TCP11L2: variants seen among roughly 807,000 people sequenced by gnomAD.
The protein encoded by TCP11L2 is T-complex protein 11-like protein 2.
In TCP11L2, 39 loss-of-function variants were observed where a neutral mutation model predicts 50.7. The ratio of observed to expected loss-of-function variants is 0.77; its 90% CI spans 0.60 to 1.01. TCP11L2 has a LOEUF of 1.01. Among genes scored for constraint, TCP11L2 ranks in the 50% least tolerant of loss-of-function variants. The pLI is 0.00. For synonymous variants in TCP11L2, 192 were observed against 219.3 expected (o/e 0.88, Z 1.10); for missense variants, 612 against 614.7 (o/e 1.00, Z 0.05).
chr12:106,333,361 T>A (rs1224543233), intron 6 of TCP11L2, among the ~76,000 whole-genome samples: 1 of 152,156 alleles, frequency 6.6e-6, no homozygotes, highest in Non-Finnish European at 1.5e-5. Flanking sequence ...GATACATAAG[T>A]CGGTGTGGAT....
At chr12:106,312,041 C>G (rs945029139) in intron 2 of TCP11L2, among the ~76,000 whole-genome samples, 2 of 152,128 alleles carry the variant, frequency 1.3e-5, no homozygotes, top group African/African-American at 4.8e-5. Context: ...TGATATCACT[C>G]AAAGACGACA....
intron 6 of TCP11L2, among the ~76,000 whole-genome samples, chr12:106,332,097 A>T (rs1207680239): frequency 6.6e-6 from 1 of 152,232 alleles, no homozygotes; most frequent in Non-Finnish European, 1.5e-5. Flanking sequence ...GTCAGTGGTA[A>T]GCTGGATGTG....
chr12:106,312,276 T>G, intron 2 of TCP11L2: 1 of 343,896 alleles, frequency 2.9e-6, no homozygotes, highest in Non-Finnish European at 5.3e-6. Context: ...TTTTTTTTTT[T>G]TTGCTGTTAT....
At chr12:106,338,408 A>G (rs964551417) in intron 8 of TCP11L2, among the ~76,000 whole-genome samples, 3 of 152,226 alleles carry the variant, frequency 2.0e-5, no homozygotes, top group African/African-American at 7.2e-5. Context: ...AAGCGAGAAC[A>G]TGTGGTATTT....
chr12:106,312,894 T>A (rs117222825), intron 2 of TCP11L2, among the ~76,000 whole-genome samples: 3,519 of 151,864 alleles, frequency 0.023, 58 homozygotes, highest in Middle Eastern at 0.062. Flanking sequence ...GAAAAAAAAA[T>A]AAATTAGGTA....
intron 8 of TCP11L2, among the ~76,000 whole-genome samples, chr12:106,337,580 T>C (rs975229180): frequency 3.9e-5 from 6 of 152,232 alleles, no homozygotes; most frequent in Non-Finnish European, 7.3e-5. Context: ...GAAATGTTAT[T>C]ATAAAGTATA....
At chr12:106,329,375 G>C in intron 6 of TCP11L2, 2 of 1,536,094 alleles carry the variant, frequency 1.3e-6, no homozygotes, top group Non-Finnish European at 8.7e-7. Flanking sequence ...CCTTGCTTTT[G>C]GAACCAGAGA....
At chr12:106,313,697 A>G (rs890696117) in intron 2 of TCP11L2, among the ~76,000 whole-genome samples, 33 of 151,690 alleles carry the variant, frequency 2.2e-4, no homozygotes, top group African/African-American at 8.0e-4. Context: ...AAATAATTTT[A>G]TCAATTTCCT....
At chr12:106,319,002 C>T (rs1370472961) in intron 4 of TCP11L2, among the ~76,000 whole-genome samples, 1 of 152,136 alleles carries the variant, frequency 6.6e-6, no homozygotes, top group Admixed American at 6.5e-5. Context: ...AGCTCCGCTT[C>T]CCGGGTTCAC....
intron 9 of TCP11L2, among the ~76,000 whole-genome samples, chr12:106,345,496 C>A (rs1446092564): frequency 1.3e-5 from 2 of 152,170 alleles, no homozygotes; most frequent in Non-Finnish European, 2.9e-5. Context: ...TATGTGAAAT[C>A]TCCTGATTTT....
chr12:106,328,220 T>C (rs2136752467), intron 6 of TCP11L2, among the ~76,000 whole-genome samples: 1 of 152,388 alleles, frequency 6.6e-6, no homozygotes, highest in African/African-American at 2.4e-5. Flanking sequence ...TGCTCAGTGA[T>C]GACCTCCTTA....
chr12:106,346,134 T>G (rs1246043597), intron 9 of TCP11L2, 152 bp from the exon 10 acceptor site: 1 of 793,278 alleles, frequency 1.3e-6, no homozygotes, highest in African/African-American at 1.7e-5. Context: ...TAGGAGGAAC[T>G]GCAAAGCTAC....
At position 106,311,011 on chromosome 12, in the gene TCP11L2, C is replaced by T. The variant is rs1474379365; in HGVS notation, c.-35-30C>T. On this transcript the variant is annotated intron_variant, in intron 1 of 9. Coordinates refer to ENST00000299045, the MANE Select transcript of TCP11L2 (RefSeq NM_152772.3). ...TGGTGCCTGTGGAAGTACCACAGAACATTGACGCAGGGTCTGTTTGTCTGT... is the reference window on the plus strand; with the variant it reads ...TGGTGCCTGTGGAAGTACCACAGAATATTGACGCAGGGTCTGTTTGTCTGT... The T allele has an allele frequency of 1.9e-6, 3 of 1,560,352 alleles. No individual in the cohort carries two copies. The African/African-American group carries it at 4.0e-5, about 21-fold the overall frequency.
chr12:106,340,751 CA>C, intron 8 of TCP11L2, 74 bp from the exon 9 acceptor site: 1 of 1,291,450 alleles, frequency 7.7e-7, no homozygotes, highest in Non-Finnish European at 1.1e-6. Flanking sequence ...ACATCTAAAA[CA>C]AGTCTGTATA....
At chr12:106,340,181 G>A (rs1212978645) in intron 8 of TCP11L2, among the ~76,000 whole-genome samples, 1 of 152,202 alleles carries the variant, frequency 6.6e-6, no homozygotes, top group African/African-American at 2.4e-5. Flanking sequence ...CTAATAGTGT[G>A]GACCCAACAA....
intron 5 of TCP11L2, among the ~76,000 whole-genome samples, chr12:106,322,187 G>A (rs956990120): frequency 1.3e-5 from 2 of 152,020 alleles, no homozygotes; most frequent in African/African-American, 4.8e-5. Flanking sequence ...CCAATTCAGG[G>A]GTCCTTGATC....
chr12:106,346,610 C>T lies in TCP11L2; in HGVS notation c.*80C>T, dbSNP rs537210155. On this transcript the variant is annotated 3_prime_UTR_variant, in exon 10 of 10. Transcript: ENST00000299045. Reference sequence around the variant, plus strand: ...CACTTCCATTGATGGCATTAGAGATCCAGCACATTCTCAGTACTGTGGTGC... The same window carrying T: ...CACTTCCATTGATGGCATTAGAGATTCAGCACATTCTCAGTACTGTGGTGC... 284 of 1,522,788 alleles carry T rather than the reference C, an allele frequency of 1.9e-4. 3 individuals are homozygous for T. In the South Asian group the frequency reaches 3.3e-3, roughly 18 times the overall value. 94.3% of individuals were successfully genotyped at this position (1,522,788 alleles called of 1,614,324 possible).
In TCP11L2 at chr12:106,318,373, A is replaced by C; in HGVS notation, c.323A>C (p.His108Pro). ...GCTGGTCGAGTGAAGCACATTGTTC[A>C]CCAGGCCTTCTGGGACGTCTTGGAT... is the stretch of plus-strand genomic sequence containing the variant. The part of the protein sequence containing the change: ...SLAGRVKHIV[H>P]QAFWDVLDSE... The change falls in exon 4 of 10, where the codon CAC becomes CCC. Residue 108 changes from histidine (H) to proline (P), a missense_variant. His to Pro is a moderately conservative substitution (Grantham distance 77). Transcript: ENST00000299045. 6.2e-7 allele frequency: 1 copy of C among 1,614,004 alleles called. No homozygotes were observed.
chr12:106,311,022 G>T lies in TCP11L2; in HGVS notation c.-35-19G>T, dbSNP rs2034832104. On this transcript the variant is annotated intron_variant, in intron 1 of 9. Coordinates refer to ENST00000299045, the MANE Select transcript of TCP11L2 (RefSeq NM_152772.3). ...GAAGTACCACAGAACATTGACGCAGGGTCTGTTTGTCTGTGCAGGTGCTAC... is the reference window on the plus strand; with the variant it reads ...GAAGTACCACAGAACATTGACGCAGTGTCTGTTTGTCTGTGCAGGTGCTAC... 2 of 1,588,408 alleles carry T rather than the reference G, an allele frequency of 1.3e-6. No homozygotes were observed. The highest frequency in any genetic ancestry group is 1.3e-5 in the African/African-American group (1 of 74,676).
Sources: allele counts gnomAD v4.1 joint callset (sites outside exome capture counted in the v4.1 genomes callset), GRCh38; gene constraint gnomAD v4.1.1; transcripts MANE v1.5; gene names NCBI Gene and HGNC (gene_info 2026-07-23, HGNC 2026-07-21).